Variants in DYSF observed in about 807,000 individuals in gnomAD.
DYSF encodes dystrophy-associated fer-1-like 1.
DYSF carries 212 observed loss-of-function variants against 274.9 expected under a neutral mutation model. The ratio of observed to expected loss-of-function variants is 0.77; its 90% confidence interval spans 0.69 to 0.86. The LOEUF is 0.86. DYSF is among the 40% of genes least tolerant of loss of function. The pLI is 0.00. For missense variants in DYSF, 2,666 were observed against 2,783.2 expected (o/e 0.96, Z 0.95); for synonymous variants, 1,091 against 1,078.7 (o/e 1.01, Z -0.22).
At chr2:71,661,087 A>G (rs1339874945) in intron 45 of DYSF, among the ~76,000 whole-genome samples, 1 of 145,572 alleles carries the variant, frequency 6.9e-6, no homozygotes, top group Non-Finnish European at 1.5e-5. Context: ...ACTGCACTCC[A>G]GCCTGGGTGA....
intron 32 of DYSF, among the ~76,000 whole-genome samples, chr2:71,595,157 G>A (rs894642591): frequency 2.0e-4 from 31 of 152,294 alleles, no homozygotes; most frequent in African/African-American, 7.2e-4. Flanking sequence ...CTTTTCTGAA[G>A]GGTTGCTGAA....
chr2:71,608,137 G>A (rs577303714), intron 36 of DYSF, among the ~76,000 whole-genome samples: 44 of 152,116 alleles, frequency 2.9e-4, no homozygotes, highest in South Asian at 6.2e-4. Context: ...ACAAATTTCC[G>A]GGGAGGGGTG....
chr2:71,558,021 G>C (rs1382819906), intron 22 of DYSF, among the ~76,000 whole-genome samples: 1 of 149,880 alleles, frequency 6.7e-6, no homozygotes, highest in Non-Finnish European at 1.5e-5. Context: ...GACAGAGCAA[G>C]ACTCTGTCTC....
chr2:71,682,393 T>G (rs1400836537), intron 54 of DYSF, 137 bp from the exon 55 acceptor site: 1 of 1,079,864 alleles, frequency 9.3e-7, no homozygotes. Flanking sequence ...AAAGGGCTAG[T>G]TTAGGGACAG....
chr2:71,581,211 C>G (rs566825060), intron 30 of DYSF, among the ~76,000 whole-genome samples: 1 of 152,234 alleles, frequency 6.6e-6, no homozygotes, highest in African/African-American at 2.4e-5. Flanking sequence ...CAAGCACACA[C>G]GCATACACGC....
chr2:71,618,603 T>TGG (rs1337136158), intron 40 of DYSF, among the ~76,000 whole-genome samples: 2 of 40,678 alleles, frequency 4.9e-5, no homozygotes, highest in African/African-American at 1.3e-4. Flanking sequence ...GTGGTAGAGG[T>TGG]GGTGGGTGTG....
At position 71,513,893 on chromosome 2, in the gene DYSF, T is replaced by G; in HGVS notation, c.731T>G (p.Leu244Arg). Residue 244 changes from leucine to arginine, a missense_variant, in exon 7 of 56, where the codon CTG becomes CGG. Coordinates refer to ENST00000410020, the MANE Select transcript of DYSF (RefSeq NM_001130987.2). The part of the protein sequence containing the change: ...RKRSAPTSRK[L>R]LSDKPQDFQI... ...CGAAGTGCGCCTACATCTAGAAAGC[T>G]GCTGTCAGACAAACCGCAGGATTTC... is the stretch of plus-strand genomic sequence containing the variant. The G allele has an allele frequency of 1.2e-6, 2 of 1,614,196 alleles. No homozygotes were observed. Among genetic ancestry groups the G allele is most frequent in the Non-Finnish European group, 1.7e-6 (2 of 1,180,030 alleles).
chr2:71,497,704 T>A lies in DYSF; in HGVS notation c.240-5510T>A, dbSNP rs193176100. Reference sequence around the variant, plus strand: ...TTATTCTCATGGCCCAATAATGAGATGAAGATGAACTGGGAAAGAAGAGAG... The same window carrying A: ...TTATTCTCATGGCCCAATAATGAGAAGAAGATGAACTGGGAAAGAAGAGAG... On this transcript the variant is annotated intron_variant, in intron 3 of 55. Coordinates refer to ENST00000410020, the MANE Select transcript of DYSF (RefSeq NM_001130987.2). Among the ~76,000 whole-genome samples, 519 of 152,290 alleles carry A rather than the reference T, an allele frequency of 3.4e-3. 8 individuals carry two copies. The highest frequency in any genetic ancestry group is 2.7e-3 in the Non-Finnish European group (183 of 68,030).
chr2:71,686,712 G>C lies in DYSF; in HGVS notation c.*220G>C. 2 of 614,086 alleles carry C rather than the reference G, an allele frequency of 3.3e-6. No individual in the cohort carries two copies. Among genetic ancestry groups the C allele is most frequent in the Middle Eastern group, 2.6e-4 (1 of 3,890 alleles). 38.0% of individuals were successfully genotyped at this position (614,086 alleles called of 1,614,324 possible). ...TCATTTCCTTCTCCCCCAACCCAAC[G>C]CTTTTTTGGATCAGCTCAGACATAT... is the stretch of plus-strand genomic sequence containing the variant. On this transcript the variant is annotated 3_prime_UTR_variant, in exon 56 of 56. Transcript: ENST00000410020.
intron 51 of DYSF, 121 bp downstream of exon 51, chr2:71,669,867 G>A: frequency 1.0e-5 from 14 of 1,344,862 alleles, no homozygotes; most frequent in Admixed American, 1.8e-5. Flanking sequence ...CCATGTTGGA[G>A]CTACCACTGC....
At chr2:71,480,298 C>G (rs2082776332) in intron 1 of DYSF, among the ~76,000 whole-genome samples, 1 of 152,074 alleles carries the variant, frequency 6.6e-6, no homozygotes, top group African/African-American at 2.4e-5. Flanking sequence ...CTTTGGGAGG[C>G]CAAGGTGGGA....
intron 45 of DYSF, among the ~76,000 whole-genome samples, chr2:71,663,770 G>T (rs1159988913): frequency 6.6e-6 from 1 of 152,182 alleles, no homozygotes; most frequent in Non-Finnish European, 1.5e-5. Context: ...CAGAAAGCAG[G>T]TCCCAGGCCT....
intron 41 of DYSF, among the ~76,000 whole-genome samples, chr2:71,634,743 T>G (rs2094370193): frequency 6.6e-6 from 1 of 152,132 alleles, no homozygotes; most frequent in South Asian, 2.1e-4. Context: ...GGGAGGCAGC[T>G]CAGTTCTGGG....
At chr2:71,507,093 G>A (rs2085558536) in intron 4 of DYSF, among the ~76,000 whole-genome samples, 1 of 152,120 alleles carries the variant, frequency 6.6e-6, no homozygotes, top group African/African-American at 2.4e-5. Flanking sequence ...TCCCGGAGAG[G>A]GCTGCTCCCA....
At chr2:71,601,732 G>A (rs957567298) in intron 35 of DYSF, among the ~76,000 whole-genome samples, 11 of 152,184 alleles carry the variant, frequency 7.2e-5, no homozygotes, top group Non-Finnish European at 1.5e-4. Context: ...CCTTCTCTGC[G>A]AAGTCCAAGA....
intron 3 of DYSF, among the ~76,000 whole-genome samples, chr2:71,501,204 A>T (rs915626814): frequency 1.3e-5 from 2 of 152,112 alleles, no homozygotes; most frequent in African/African-American, 4.8e-5. Context: ...CAAACCCTGG[A>T]TTGAATATTA....
At chr2:71,534,917 G>A in intron 14 of DYSF, 104 bp from the exon 15 acceptor site, 1 of 1,249,470 alleles carries the variant, frequency 8.0e-7, no homozygotes, top group Non-Finnish European at 1.2e-6. Context: ...AGCCCTAAGG[G>A]CAGCCAGCAT....
At chr2:71,684,605 G>A (rs759281767) in intron 55 of DYSF, among the ~76,000 whole-genome samples, 11 of 152,350 alleles carry the variant, frequency 7.2e-5, no homozygotes, top group East Asian at 3.9e-4. Flanking sequence ...GGCTCAGGCC[G>A]TGGGAGTTTA....
At chr2:71,478,838 T>C (rs1156723546) in intron 1 of DYSF, among the ~76,000 whole-genome samples, 7 of 152,012 alleles carry the variant, frequency 4.6e-5, no homozygotes, top group Non-Finnish European at 7.4e-5. Flanking sequence ...CTCTTTCTCT[T>C]TTTTTCTCTC....
Sources: gnomAD v4.1 joint callset for allele counts (sites outside exome capture counted in the v4.1 genomes callset) on GRCh38, gnomAD v4.1.1 for gene constraint, MANE v1.5 for transcripts, NCBI Gene and HGNC (gene_info 2026-07-23, HGNC 2026-07-21) for gene names.